The following MRPS28 variants were observed in gnomAD, a reference collection of about 807,000 sequenced individuals.
MRPS28 encodes mitochondrial ribosomal protein S28.
In MRPS28, 7 loss-of-function variants were observed where a neutral mutation model predicts 10.8. That is an observed-to-expected ratio of 0.65 (90% CI 0.37 to 1.22). The LOEUF is 1.22. MRPS28 is among the 50% of genes most tolerant of loss of function. MRPS28 has a pLI of 0.02. For missense variants in MRPS28, 265 were observed against 232.9 expected (o/e 1.14, Z -0.90); for synonymous variants, 121 against 93.3 (o/e 1.30, Z -1.71).
At chr8:80,005,445 T>C (rs1020005939) in intron 1 of MRPS28, among the ~76,000 whole-genome samples, 13 of 152,102 alleles carry the variant, frequency 8.5e-5, no homozygotes, top group Admixed American at 2.6e-4. Flanking sequence ...CTGAGAGATT[T>C]TGTCACCACC....
intron 2 of MRPS28, chr8:79,957,498 C>A: frequency 6.8e-6 from 1 of 147,720 alleles, no homozygotes; most frequent in Non-Finnish European, 1.5e-5. Context: ...TCACTGGAGG[C>A]CATAAGTTCC....
chr8:80,007,527 C>G (rs1005830634), intron 1 of MRPS28, among the ~76,000 whole-genome samples: 11 of 152,192 alleles, frequency 7.2e-5, no homozygotes, highest in African/African-American at 2.7e-4. Flanking sequence ...AAAACCCCAT[C>G]ATCTCAGCCC....
chr8:79,982,143 A>C (rs1358615174), intron 2 of MRPS28, among the ~76,000 whole-genome samples: 1 of 152,088 alleles, frequency 6.6e-6, no homozygotes, highest in Non-Finnish European at 1.5e-5. Flanking sequence ...GCTACTCAGG[A>C]AGCTGAGGCA....
chr8:80,007,454 T>C (rs1406746404), intron 1 of MRPS28, among the ~76,000 whole-genome samples: 1 of 152,188 alleles, frequency 6.6e-6, no homozygotes, highest in East Asian at 1.9e-4. Context: ...ATAAAGGGTA[T>C]TCAATTAGGA....
At chr8:79,942,960 C>G (rs1303566785) in intron 2 of MRPS28, among the ~76,000 whole-genome samples, 1 of 152,150 alleles carries the variant, frequency 6.6e-6, no homozygotes, top group Non-Finnish European at 1.5e-5. Flanking sequence ...CAATATCCTT[C>G]CATTAATTAA....
intron 2 of MRPS28, among the ~76,000 whole-genome samples, chr8:79,988,812 T>TC (rs1808271325): frequency 1.3e-5 from 2 of 152,202 alleles, no homozygotes; most frequent in Admixed American, 1.3e-4. Context: ...TCTCTTGCCC[T>TC]CCACTCCTAT....
chr8:79,947,183 G>A (rs1364468045), intron 2 of MRPS28, among the ~76,000 whole-genome samples: 1 of 152,086 alleles, frequency 6.6e-6, no homozygotes, highest in Non-Finnish European at 1.5e-5. Flanking sequence ...GCCAACACTG[G>A]CAGTAACAAC....
At chr8:79,942,573 G>T (rs1806797670) in intron 2 of MRPS28, among the ~76,000 whole-genome samples, 1 of 152,168 alleles carries the variant, frequency 6.6e-6, no homozygotes, top group African/African-American at 2.4e-5. Flanking sequence ...AAATAAAGCT[G>T]AGAAGTCCAA....
intron 2 of MRPS28, among the ~76,000 whole-genome samples, chr8:79,998,069 G>GA (rs1419475979): frequency 1.5e-5 from 2 of 137,628 alleles, no homozygotes; most frequent in African/African-American, 5.1e-5. Context: ...AAAAAAAAAA[G>GA]AAAGAAAGAA....
At chr8:79,935,447 G>A (rs1806583639) in intron 2 of MRPS28, among the ~76,000 whole-genome samples, 1 of 150,132 alleles carries the variant, frequency 6.7e-6, no homozygotes, top group Non-Finnish European at 1.5e-5. Flanking sequence ...CCTTTTATTT[G>A]TTTGTTTGTT....
At chr8:79,956,144 T>A (rs558160417) in intron 2 of MRPS28, among the ~76,000 whole-genome samples, 110 of 152,282 alleles carry the variant, frequency 7.2e-4, no homozygotes, top group South Asian at 1.4e-3. Flanking sequence ...TTTGCTGTTA[T>A]GAATAGCTAG....
At chr8:79,921,184 T>A (rs1810083530) in intron 2 of MRPS28, among the ~76,000 whole-genome samples, 1 of 152,184 alleles carries the variant, frequency 6.6e-6, no homozygotes, top group African/African-American at 2.4e-5. Flanking sequence ...GCTGTTTTGG[T>A]TACTGTAGCC....
chr8:79,944,696 T>TTTTTC (rs757771170), intron 2 of MRPS28, among the ~76,000 whole-genome samples: 1 of 58,710 alleles, frequency 1.7e-5, no homozygotes, highest in Non-Finnish European at 2.9e-5. Context: ...TTCTTTTTCT[T>TTTTTC]TTTTCTTTTT....
chr8:79,931,826 A>T (rs1276180324), intron 2 of MRPS28, among the ~76,000 whole-genome samples: 1 of 152,236 alleles, frequency 6.6e-6, no homozygotes, highest in East Asian at 1.9e-4. Flanking sequence ...GGAAATTTTC[A>T]AAGATGTTGT....
chr8:79,989,516 A>G (rs368273728), intron 2 of MRPS28, among the ~76,000 whole-genome samples: 1 of 152,312 alleles, frequency 6.6e-6, no homozygotes, highest in African/African-American at 2.4e-5. Context: ...TAAGAATAAT[A>G]TACTTGGCAA....
intron 2 of MRPS28, among the ~76,000 whole-genome samples, chr8:79,978,402 G>A (rs539665482): frequency 3.3e-4 from 50 of 152,008 alleles, no homozygotes; most frequent in African/African-American, 1.1e-3. Context: ...ATAAGAATCT[G>A]TCCGAAGTGA....
chr8:79,929,045 CACAA>C (rs922311635), intron 2 of MRPS28, among the ~76,000 whole-genome samples: 6 of 152,120 alleles, frequency 3.9e-5, no homozygotes, highest in Admixed American at 1.3e-4. Context: ...GACTCCGTCT[CACAA>C]ACAAACAAAA....
At chr8:80,001,873 C>T (rs949351806) in intron 2 of MRPS28, among the ~76,000 whole-genome samples, 5 of 152,154 alleles carry the variant, frequency 3.3e-5, no homozygotes, top group Admixed American at 1.3e-4. Flanking sequence ...CACACATCTT[C>T]CCAACTCTGC....
intron 1 of MRPS28, among the ~76,000 whole-genome samples, chr8:80,019,190 A>C (rs1386287171): frequency 6.6e-6 from 1 of 151,582 alleles, no homozygotes; most frequent in African/African-American, 2.4e-5. Flanking sequence ...AAAATAACTA[A>C]AAGAGTTTAA....
Sources: gnomAD v4.1 joint callset for allele counts (sites outside exome capture counted in the v4.1 genomes callset) on GRCh38, gnomAD v4.1.1 for gene constraint, MANE v1.5 for transcripts, NCBI Gene and HGNC (gene_info 2026-07-23, HGNC 2026-07-21) for gene names.